Variants in ALDH7A1 observed in about 807,000 individuals in gnomAD.
ALDH7A1 encodes the protein alpha-aminoadipic semialdehyde dehydrogenase.
A neutral mutation model predicts 79.9 loss-of-function variants in ALDH7A1; 63 were observed. The observed-to-expected ratio is 0.79, with a 90% CI of 0.64 to 0.97. The LOEUF is 0.97. ALDH7A1 is among the 50% of genes least tolerant of loss of function. ALDH7A1 has a pLI of 0.00. For missense variants in ALDH7A1, 627 were observed against 665.2 expected, an observed-to-expected ratio of 0.94 and a Z score of 0.63; for synonymous variants, 240 against 231.2, an observed-to-expected ratio of 1.04 and a Z score of -0.34.
rs1449227204 is a variant in ALDH7A1, at chr5:126,568,371, AC to A, written c.774-16del. On this transcript the variant is annotated splice_polypyrimidine_tract_variant and intron_variant, in intron 8 of 17. Transcript: ENST00000409134. ...CCATTGCTGTGCTGCAAGGGAACAG[AC>A]ACGGTCGGCCACCCAAGCAGAGAAA... The A allele has an allele frequency of 6.2e-7, 1 of 1,612,220 alleles. No homozygotes were observed. Among genetic ancestry groups the A allele is most frequent in the East Asian group, 2.2e-5 (1 of 44,870 alleles).
intron 10 of ALDH7A1, among the ~76,000 whole-genome samples, chr5:126,560,047 T>A (rs970491402): frequency 6.6e-6 from 1 of 151,978 alleles, no homozygotes; most frequent in Non-Finnish European, 1.5e-5. Flanking sequence ...TCCTCCCACC[T>A]CAGCCTCCCA....
rs868005043 is a variant in ALDH7A1, at chr5:126,544,944, G to A, written c.*21C>T. 2 of 1,588,290 alleles carry A rather than the reference G, an allele frequency of 1.3e-6. No individual in the cohort carries two copies. Among genetic ancestry groups the A allele is most frequent in the Non-Finnish European group, 1.7e-6 (2 of 1,156,974 alleles). ...AGCTGCTGGAACACCTCAAATTAAG[G>A]GATGTTCATCTAAAACACCTTTACT... On this transcript the variant is annotated 3_prime_UTR_variant, in exon 18 of 18. Coordinates refer to ENST00000409134, the MANE Select transcript of ALDH7A1 (RefSeq NM_001182.5).
At chr5:126,551,295 T>TCTG (rs1749987999) in intron 14 of ALDH7A1, among the ~76,000 whole-genome samples, 1 of 151,592 alleles carries the variant, frequency 6.6e-6, no homozygotes, top group Non-Finnish European at 1.5e-5. Context: ...CAGCCTGTCC[T>TCTG]CTGCTGGAGT....
rs559710313 is a variant in ALDH7A1, at chr5:126,544,936, A to G, written c.*29T>C. On this transcript the variant is annotated 3_prime_UTR_variant, in exon 18 of 18. Transcript: ENST00000409134. ...CCAAAAACAGCTGCTGGAACACCTC[A>G]AATTAAGGGATGTTCATCTAAAACA... 7.6e-6 allele frequency: 12 copies of G among 1,576,482 alleles called. No homozygotes were observed. Among genetic ancestry groups the G allele is most frequent in the African/African-American group, 4.0e-5 (3 of 74,122 alleles).
At chr5:126,571,644 A>C (rs538830635) in intron 7 of ALDH7A1, among the ~76,000 whole-genome samples, 1 of 151,876 alleles carries the variant, frequency 6.6e-6, no homozygotes, top group African/African-American at 2.4e-5. Context: ...CCTTTTATTT[A>C]TTTATTTATT....
intron 5 of ALDH7A1, among the ~76,000 whole-genome samples, chr5:126,582,368 G>C (rs558302849): frequency 6.6e-6 from 1 of 152,260 alleles, no homozygotes; most frequent in Non-Finnish European, 1.5e-5. Flanking sequence ...GTGTGGGTTA[G>C]GGGAAGACAA....
intron 8 of ALDH7A1, chr5:126,570,544 G>C (rs939977865): frequency 2.9e-5 from 14 of 476,288 alleles, no homozygotes; most frequent in African/African-American, 2.2e-4. Context: ...GTTATTTCAG[G>C]ATATAAACAC....
chr5:126,576,148 A>G (rs1025555837), intron 6 of ALDH7A1, among the ~76,000 whole-genome samples: 104 of 151,940 alleles, frequency 6.8e-4, no homozygotes, highest in African/African-American at 2.5e-3. Context: ...CTGTAGTCCC[A>G]GCTACTCGGG....
At chr5:126,564,428 G>A (rs1345885491) in intron 9 of ALDH7A1, 13 of 783,992 alleles carry the variant, frequency 1.7e-5, no homozygotes, top group Admixed American at 4.4e-5. Flanking sequence ...GATTACAGAC[G>A]TGAGCCACTG....
intron 7 of ALDH7A1, 110 bp from the exon 8 acceptor site, chr5:126,570,969 C>A: frequency 1.0e-6 from 1 of 979,338 alleles, no homozygotes. Flanking sequence ...TCTCCCATCC[C>A]TCAAATATAC....
Position 126,560,581 on chromosome 5 carries a change from C to CA in ALDH7A1, c.913+501dup, listed in dbSNP as rs531255748. 1.4e-4 allele frequency among the ~76,000 whole-genome samples: 22 copies of CA among 152,230 alleles called. No individual in the cohort carries two copies. The East Asian group carries it at 3.9e-3, about 27-fold the overall frequency. ...TATCTAAGCATTTTTGTGACAAACT[C>CA]AAACAGTTAAAAAAGAGCATAAGTA... On this transcript the variant is annotated intron_variant, in intron 10 of 17. Transcript: ENST00000409134.
intron 5 of ALDH7A1, chr5:126,582,148 T>C (rs987075302): frequency 1.8e-5 from 7 of 398,438 alleles, no homozygotes; most frequent in African/African-American, 1.0e-4. Context: ...CACAGCAAGA[T>C]CCTACAAAAT....
chr5:126,555,183 G>A (rs34731336), intron 12 of ALDH7A1: 24,224 of 153,266 alleles, frequency 0.16, 2,559 homozygotes, highest in East Asian at 0.51. Flanking sequence ...GAGGACTCTC[G>A]GTTTTAATCT....
At chr5:126,594,219 C>T (rs1250806614) in intron 1 of ALDH7A1, 1 of 471,012 alleles carries the variant, frequency 2.1e-6, no homozygotes, top group Non-Finnish European at 4.4e-6. Context: ...AAGGAGTTCA[C>T]AGCCCAACGT....
At chr5:126,549,292 T>C (rs2291295) in intron 16 of ALDH7A1, among the ~76,000 whole-genome samples, 26,424 of 152,098 alleles carry the variant, frequency 0.17, 2,927 homozygotes, top group East Asian at 0.51. Context: ...AAAAGAATGC[T>C]ACTAATGATA....
At chr5:126,551,531 C>G (rs575004646) in intron 14 of ALDH7A1, among the ~76,000 whole-genome samples, 1 of 152,184 alleles carries the variant, frequency 6.6e-6, no homozygotes, top group South Asian at 2.1e-4. Context: ...CCATGTTGGC[C>G]AGGCTGGTCT....
At chr5:126,571,404 G>A (rs1445066781) in intron 7 of ALDH7A1, among the ~76,000 whole-genome samples, 1 of 150,564 alleles carries the variant, frequency 6.6e-6, no homozygotes, top group Admixed American at 6.6e-5. Flanking sequence ...CTTGAACCTG[G>A]AAGACAGAGG....
At position 126,595,216 on chromosome 5, in the gene ALDH7A1, G is replaced by A; in HGVS notation, c.-18C>T. On this transcript the variant is annotated 5_prime_UTR_variant, in exon 1 of 18. Coordinates refer to ENST00000409134, the MANE Select transcript of ALDH7A1 (RefSeq NM_001182.5). The stretch of plus-strand genomic sequence containing the variant: ...CGCCACATACTGAGCCCGGGACTCG[G>A]GATGAGCCCAAGGCCCTGAGAGCTG... The A allele has an allele frequency of 1.9e-6, 3 of 1,551,700 alleles. No individual in the cohort carries two copies. The highest frequency in any genetic ancestry group is 2.4e-5 in the South Asian group (2 of 84,064).
At position 126,578,638 on chromosome 5, in the gene ALDH7A1, CAAAAAA is replaced by C. The variant is rs70994880; in HGVS notation, c.518-1433_518-1428del. ...TGGACAACAGAGTAAGACCCTGTAT[CAAAAAA>C]AAAAAAAAAAAGAAAGAAAAGAAAA... On this transcript the variant is annotated intron_variant, in intron 5 of 17. Transcript: ENST00000409134. Among the ~76,000 whole-genome samples, 6 of 90,398 alleles carry C rather than the reference CAAAAAA, an allele frequency of 6.6e-5. 1 individual carries two copies. The highest frequency in any genetic ancestry group is 3.3e-4 in the East Asian group (1 of 3,006). 59.3% of individuals were successfully genotyped at this position (90,398 alleles called of 152,430 possible).
Sources: gnomAD v4.1 joint callset for allele counts (sites outside exome capture counted in the v4.1 genomes callset) on GRCh38, gnomAD v4.1.1 for gene constraint, MANE v1.5 for transcripts, NCBI Gene and HGNC (gene_info 2026-07-23, HGNC 2026-07-21) for gene names.